Variants in TRAM2 observed in about 807,000 individuals in gnomAD.
TRAM2 encodes the protein translocating chain-associated membrane protein 2.
TRAM2 carries 12 observed loss-of-function variants against 51.0 expected under a neutral mutation model. That is an observed-to-expected ratio of 0.24 (90% confidence interval 0.15 to 0.38). TRAM2 has a LOEUF of 0.38. TRAM2 is among the 10% of genes least tolerant of loss of function. TRAM2 has a pLI of 1.00. For synonymous variants in TRAM2, 175 were observed against 179.4 expected (o/e 0.98, Z 0.20); for missense variants, 361 against 462.0 (o/e 0.78, Z 2.00).
At chr6:52,526,131 C>T (rs1766772816) in intron 2 of TRAM2, among the ~76,000 whole-genome samples, 1 of 144,792 alleles carries the variant, frequency 6.9e-6, no homozygotes, top group Non-Finnish European at 1.5e-5. Flanking sequence ...TTATGGCCAT[C>T]CTAGGAAATA....
intron 1 of TRAM2, among the ~76,000 whole-genome samples, chr6:52,563,893 C>T (rs1239424304): frequency 8.7e-5 from 4 of 45,996 alleles, no homozygotes; most frequent in Admixed American, 3.0e-4. Context: ...CCTAATGGTA[C>T]CTATTCCAAA....
At chr6:52,542,828 G>A (rs1244561311) in intron 1 of TRAM2, among the ~76,000 whole-genome samples, 2 of 152,190 alleles carry the variant, frequency 1.3e-5, no homozygotes, top group Admixed American at 6.5e-5. Flanking sequence ...GGGATACAGA[G>A]GAATGTAGAA....
At chr6:52,561,281 G>A (rs1767495237) in intron 1 of TRAM2, among the ~76,000 whole-genome samples, 1 of 152,094 alleles carries the variant, frequency 6.6e-6, no homozygotes, top group Non-Finnish European at 1.5e-5. Flanking sequence ...ACAGTTTTTT[G>A]TTCGTCTGTT....
intron 2 of TRAM2, among the ~76,000 whole-genome samples, chr6:52,526,772 C>T (rs1337696272): frequency 6.6e-6 from 1 of 152,182 alleles, no homozygotes; most frequent in East Asian, 1.9e-4. Flanking sequence ...TACAAGGATT[C>T]CTAGGTGCCA....
intron 1 of TRAM2, among the ~76,000 whole-genome samples, chr6:52,573,219 A>C (rs1767708518): frequency 6.6e-6 from 1 of 152,160 alleles, no homozygotes; most frequent in African/African-American, 2.4e-5. Context: ...TTCAATTTGA[A>C]ACGTGGCACA....
chr6:52,566,956 TTATC>T (rs1173882625), intron 1 of TRAM2, among the ~76,000 whole-genome samples: 1 of 152,222 alleles, frequency 6.6e-6, no homozygotes, highest in Non-Finnish European at 1.5e-5. Context: ...TTGCCTCCTT[TTATC>T]TATCTCCCTT....
chr6:52,545,869 C>T lies in TRAM2; in HGVS notation c.121-10023G>A, dbSNP rs114578475. Among the ~76,000 whole-genome samples, 295 of 152,212 alleles carry T rather than the reference C, an allele frequency of 1.9e-3. 3 individuals carry two copies. The highest frequency in any genetic ancestry group is 5.5e-3 in the African/African-American group (228 of 41,524). On this transcript the variant is annotated intron_variant, in intron 1 of 10. Transcript: ENST00000182527. ...GCCCTACCTTGCTTTTCATGTTTTG[C>T]CCCCACTCCCACACTCAGGAATTTT... is the stretch of plus-strand genomic sequence containing the variant.
At chr6:52,526,401 T>G (rs73447921) in intron 2 of TRAM2, among the ~76,000 whole-genome samples, 236 of 152,236 alleles carry the variant, frequency 1.6e-3, no homozygotes, top group Non-Finnish European at 2.7e-3. Flanking sequence ...GGTTTCTGCA[T>G]TGCTTTTTGT....
rs201396981 is a variant in TRAM2 at position 52,544,032 on chromosome 6, T to C, written c.121-8186A>G. On this transcript the variant is annotated intron_variant, in intron 1 of 10. Transcript: ENST00000182527. ...CTTGAAAGTTTCAAACATCAGCATGTTGACCCCCACATTTTGACTGAAGAG... is the reference window on the plus strand; with the variant it reads ...CTTGAAAGTTTCAAACATCAGCATGCTGACCCCCACATTTTGACTGAAGAG... Among the ~76,000 whole-genome samples, 9 of 152,314 alleles carry C rather than the reference T, an allele frequency of 5.9e-5. No individual in the cohort carries two copies. The East Asian group carries it at 7.7e-4, about 13-fold the overall frequency.
intron 1 of TRAM2, among the ~76,000 whole-genome samples, chr6:52,541,975 C>A (rs76448383): frequency 0.01 from 1,569 of 152,202 alleles, 28 homozygotes; most frequent in African/African-American, 0.036. Context: ...AAGGACAAAA[C>A]ACAGAGACAC....
intron 4 of TRAM2, among the ~76,000 whole-genome samples, chr6:52,512,162 G>C (rs192168346): frequency 6.6e-6 from 1 of 152,170 alleles, no homozygotes; most frequent in Non-Finnish European, 1.5e-5. Flanking sequence ...CTGAAACTGA[G>C]GTGGGAGAGA....
intron 1 of TRAM2, among the ~76,000 whole-genome samples, chr6:52,568,945 G>A (rs1032596482): frequency 1.1e-4 from 16 of 152,066 alleles, no homozygotes; most frequent in African/African-American, 7.2e-5. Flanking sequence ...TCCCACCAGA[G>A]GTACAATCAT....
chr6:52,509,225 G>A (rs577121575), intron 5 of TRAM2, among the ~76,000 whole-genome samples: 2 of 152,268 alleles, frequency 1.3e-5, no homozygotes, highest in South Asian at 2.1e-4. Context: ...TCAGGGGGTC[G>A]CCAAGAAGGT....
At chr6:52,562,531 G>T (rs1463151435) in intron 1 of TRAM2, among the ~76,000 whole-genome samples, 1 of 152,094 alleles carries the variant, frequency 6.6e-6, no homozygotes, top group Non-Finnish European at 1.5e-5. Flanking sequence ...TTTGCCTCCT[G>T]TTACATACCA....
intron 1 of TRAM2, among the ~76,000 whole-genome samples, chr6:52,560,953 A>C (rs1767488248): frequency 6.6e-6 from 1 of 152,258 alleles, no homozygotes; most frequent in Non-Finnish European, 1.5e-5. Flanking sequence ...ACGCGTGTTC[A>C]GAGCAGCATT....
In TRAM2 at chr6:52,516,099, G is replaced by A. The variant is rs1766542909; in HGVS notation, c.318C>T (p.Leu106=). ...ILDKISKRLH[L]SKVKHSKFNE... is the part of the protein sequence containing the mutation. ...TGAACTTGCTGTGTTTGACTTTGGA[G>A]AGATGAAGCCGTTTGCTGATTTTCT... Residue 106 remains leucine (L), a synonymous_variant, in exon 4 of 11, where the codon CTC becomes CTT. Coordinates refer to ENST00000182527, the MANE Select transcript of TRAM2 (RefSeq NM_012288.4). 1 of 1,614,164 alleles carries A rather than the reference G, an allele frequency of 6.2e-7. No individual in the cohort carries two copies. Among genetic ancestry groups the A allele is most frequent in the South Asian group, 1.1e-5 (1 of 91,080 alleles).
Position 52,498,443 on chromosome 6 carries a change from T to G in TRAM2, c.*4754A>C, listed in dbSNP as rs1021122770. On this transcript the variant is annotated 3_prime_UTR_variant, in exon 11 of 11. Transcript: ENST00000182527. The stretch of plus-strand genomic sequence containing the variant: ...GTAAACACCTTTATCATATAAACTT[T>G]GGGCTGAATGGGAAGCAAAATAGAC... 1.3e-5 allele frequency: 2 copies of G among 152,160 alleles called. No individual in the cohort carries two copies. Among genetic ancestry groups the G allele is most frequent in the African/African-American group, 4.8e-5 (2 of 41,408 alleles). 9.4% of individuals were successfully genotyped at this position (152,160 alleles called of 1,614,324 possible). A position where few individuals can be genotyped will look rare whatever the true frequency, so the allele number is the denominator to read the frequency against.
At chr6:52,512,388 G>C (rs539744030) in intron 4 of TRAM2, among the ~76,000 whole-genome samples, 27 of 152,304 alleles carry the variant, frequency 1.8e-4, no homozygotes, top group Non-Finnish European at 3.5e-4. Context: ...GGAGGAAAAG[G>C]GTGGAGGGAG....
chr6:52,553,349 G>A (rs963802122), intron 1 of TRAM2, among the ~76,000 whole-genome samples: 6 of 152,208 alleles, frequency 3.9e-5, no homozygotes, highest in Non-Finnish European at 8.8e-5. Context: ...GCTCTGACAA[G>A]TCCTGCAATA....
Sources: gnomAD v4.1 joint callset for allele counts (sites outside exome capture counted in the v4.1 genomes callset) on GRCh38, gnomAD v4.1.1 for gene constraint, MANE v1.5 for transcripts, NCBI Gene and HGNC (gene_info 2026-07-23, HGNC 2026-07-21) for gene names.